Variants in TMC1 observed in about 807,000 individuals in gnomAD.
TMC1 encodes transmembrane channel-like protein 1.
Under a neutral mutation model 105.8 loss-of-function variants are expected in TMC1, and 84 were observed. That is an observed-to-expected ratio of 0.79 (90% CI 0.67 to 0.95). The LOEUF (loss-of-function observed/expected upper bound fraction) is 0.95. TMC1 is among the 40% of genes least tolerant of loss of function. The pLI is 0.00. For missense variants in TMC1, 817 were observed against 914.1 expected (o/e 0.89, Z 1.37); for synonymous variants, 315 against 311.5 (o/e 1.01, Z -0.12).
chr9:72,586,801 T>C (rs1490840536), intron 2 of TMC1, among the ~76,000 whole-genome samples: 1 of 152,234 alleles, frequency 6.6e-6, no homozygotes, highest in East Asian at 1.9e-4. Flanking sequence ...CACAATCTTC[T>C]TGAGGGTGAC....
At position 72,788,455 on chromosome 9, in the gene TMC1, A is replaced by G; in HGVS notation, c.1001A>G (p.Lys334Arg). 6.2e-7 allele frequency: 1 copy of G among 1,614,024 alleles called. No individual in the cohort carries two copies. Among genetic ancestry groups the G allele is most frequent in the Non-Finnish European group, 8.5e-7 (1 of 1,179,912 alleles). The change falls in exon 14 of 24, where the codon AAA (lysine) becomes AGA (arginine). Residue 334 changes from lysine to arginine, a missense_variant. By Grantham distance (26) the Lys-to-Arg change is conservative. Transcript: ENST00000297784. ...LIGNPETADN[K>R]FNSITMNFKE... is the part of the protein sequence containing the mutation. ...GGCAATCCTGAAACAGCAGACAACA[A>G]ATTTAATTCTATCACAATGAACTTT...
chr9:72,569,360 G>A (rs1478800327), intron 1 of TMC1, among the ~76,000 whole-genome samples: 7 of 151,902 alleles, frequency 4.6e-5, no homozygotes, highest in African/African-American at 1.2e-4. Context: ...TGTAGAACCC[G>A]GCTACAGAGA....
At chr9:72,817,672 A>G (rs1165891635) in intron 19 of TMC1, among the ~76,000 whole-genome samples, 1 of 152,184 alleles carries the variant, frequency 6.6e-6, no homozygotes, top group Non-Finnish European at 1.5e-5. Context: ...ATTGGTCTAG[A>G]AATTTGTTTT....
intron 2 of TMC1, among the ~76,000 whole-genome samples, chr9:72,588,014 C>A (rs757277226): frequency 1.3e-5 from 2 of 152,012 alleles, no homozygotes; most frequent in Admixed American, 6.6e-5. Flanking sequence ...GTCTCAAACT[C>A]CTGGCCTCAA....
chr9:72,689,738 G>A (rs1019429268), intron 6 of TMC1, among the ~76,000 whole-genome samples: 1 of 151,978 alleles, frequency 6.6e-6, no homozygotes, highest in African/African-American at 2.4e-5. Context: ...AGCATATTTT[G>A]TCCGATGTAA....
At chr9:72,668,382 C>T (rs1826076299) in intron 5 of TMC1, among the ~76,000 whole-genome samples, 1 of 152,212 alleles carries the variant, frequency 6.6e-6, no homozygotes, top group South Asian at 2.1e-4. Flanking sequence ...AGCTGAACCA[C>T]ACAGCCCCTC....
At chr9:72,693,497 T>A (rs1445847217) in intron 6 of TMC1, among the ~76,000 whole-genome samples, 2 of 152,164 alleles carry the variant, frequency 1.3e-5, no homozygotes, top group African/African-American at 2.4e-5. Context: ...TTGCTATATA[T>A]GGTTATGTAT....
In TMC1 at chr9:72,648,641, C is replaced by A. The variant is rs564398062; in HGVS notation, c.-8C>A. 3 of 1,612,142 alleles carry A rather than the reference C, an allele frequency of 1.9e-6. No homozygotes were observed. The highest frequency in any genetic ancestry group is 2.5e-6 in the Non-Finnish European group (3 of 1,178,400). On this transcript the variant is annotated 5_prime_UTR_variant, in exon 5 of 24. Transcript: ENST00000297784. ...GCCACTGAGACCTTCTGACAGGACA[C>A]CCCCAGGATGTCACCCAAAAAAGGT...
intron 1 of TMC1, among the ~76,000 whole-genome samples, chr9:72,526,173 T>C (rs1823405527): frequency 6.6e-6 from 1 of 152,186 alleles, no homozygotes; most frequent in Non-Finnish European, 1.5e-5. Flanking sequence ...GGAGAGGATC[T>C]TGGAGATTTG....
intron 10 of TMC1, among the ~76,000 whole-genome samples, 184 bp from the exon 11 acceptor site, chr9:72,751,666 C>T (rs1827581862): frequency 6.6e-6 from 1 of 152,256 alleles, no homozygotes; most frequent in East Asian, 1.9e-4. Flanking sequence ...ACAGGGAATG[C>T]TTCCATCATG....
At chr9:72,758,726 T>C (rs940768712) in intron 12 of TMC1, among the ~76,000 whole-genome samples, 1 of 152,194 alleles carries the variant, frequency 6.6e-6, no homozygotes, top group Non-Finnish European at 1.5e-5. Context: ...CAAGGACCTG[T>C]ATGTGTTACC....
intron 13 of TMC1, among the ~76,000 whole-genome samples, chr9:72,782,344 G>A (rs1828106312): frequency 6.6e-6 from 1 of 152,130 alleles, no homozygotes; most frequent in Non-Finnish European, 1.5e-5. Context: ...TAAACTCACA[G>A]CCAACATCAT....
chr9:72,602,450 C>T (rs1226190596), intron 2 of TMC1, among the ~76,000 whole-genome samples: 2 of 145,604 alleles, frequency 1.4e-5, no homozygotes, highest in Non-Finnish European at 3.0e-5. Flanking sequence ...TCTCAGCTCA[C>T]TGCAGCCTCT....
intron 8 of TMC1, among the ~76,000 whole-genome samples, chr9:72,703,610 G>A (rs1417616): frequency 0.22 from 34,147 of 152,146 alleles, 4,145 homozygotes; most frequent in East Asian, 0.39. Context: ...TGTTTATGCT[G>A]CTTGGCTGGA....
At chr9:72,834,672 G>A (rs76325652) in intron 23 of TMC1, among the ~76,000 whole-genome samples, 255 of 152,132 alleles carry the variant, frequency 1.7e-3, no homozygotes, top group African/African-American at 5.4e-3. Flanking sequence ...TTTTTACTGC[G>A]GCACTCCTTG....
intron 17 of TMC1, among the ~76,000 whole-genome samples, chr9:72,802,871 GA>G (rs1027689708): frequency 2.0e-5 from 3 of 151,582 alleles, no homozygotes; most frequent in East Asian, 1.9e-4. Flanking sequence ...CACAGAATTA[GA>G]AAAAAAACAT....
At chr9:72,672,692 AC>A in intron 5 of TMC1, among the ~76,000 whole-genome samples, 1 of 152,112 alleles carries the variant, frequency 6.6e-6, no homozygotes, top group African/African-American at 2.4e-5. Context: ...CAGTAAGGAT[AC>A]AGAAAACCTC....
At chr9:72,599,098 T>C (rs1302213164) in intron 2 of TMC1, among the ~76,000 whole-genome samples, 4 of 152,154 alleles carry the variant, frequency 2.6e-5, no homozygotes, top group Non-Finnish European at 5.9e-5. Flanking sequence ...TGGTGCAATC[T>C]CAGCTCACTG....
intron 2 of TMC1, among the ~76,000 whole-genome samples, chr9:72,605,682 TCTC>T (rs1309199949): frequency 6.6e-6 from 1 of 151,732 alleles, no homozygotes; most frequent in Admixed American, 6.6e-5. Flanking sequence ...CTCAAGTTCT[TCTC>T]CTGCCTCAGC....
Sources: gnomAD v4.1 joint callset for allele counts (sites outside exome capture counted in the v4.1 genomes callset) on GRCh38, gnomAD v4.1.1 for gene constraint, MANE v1.5 for transcripts, NCBI Gene and HGNC (gene_info 2026-07-23, HGNC 2026-07-21) for gene names.